The following HGS variants were observed in gnomAD, a reference collection of about 807,000 sequenced individuals.
HGS encodes human growth factor-regulated tyrosine kinase substrate.
Under a neutral mutation model 109.7 loss-of-function variants are expected in HGS, and 63 were observed. The ratio of observed to expected loss-of-function variants is 0.57; its 90% confidence interval spans 0.47 to 0.71. The LOEUF (loss-of-function observed/expected upper bound fraction) is 0.71. Among genes scored for constraint, HGS ranks in the 30% least tolerant of loss-of-function variants. The pLI is 0.00. For missense variants in HGS, 995 were observed against 1,068.3 expected, an observed-to-expected ratio of 0.93 and a Z score of 0.96; for synonymous variants, 546 against 437.3, an observed-to-expected ratio of 1.25 and a Z score of -3.10.
chr17:81,695,676 A>C (rs1422687575), intron 14 of HGS, 110 bp from the exon 15 acceptor site: 1 of 958,862 alleles, frequency 1.0e-6, no homozygotes, highest in Non-Finnish European at 1.7e-6. Flanking sequence ...TAAGGAGCAG[A>C]TGGACTCTGC....
At position 81,691,417 on chromosome 17, in the gene HGS, G is replaced by A; in HGVS notation, c.538-30G>A. The A allele has an allele frequency of 6.2e-7, 1 of 1,612,678 alleles. No individual in the cohort carries two copies. ...GGCGCATCAGGGTCCCCCAGTGCCT[G>A]TGACCAGGCCCGCCCGCCCCATCTT... On this transcript the variant is annotated intron_variant, in intron 7 of 21. Transcript: ENST00000329138. This position sits in a 1 kb window ranked among gnomAD's most constrained non-coding sequence, Gnocchi z 5.3.
chr17:81,697,823 C>G (rs952926855), intron 18 of HGS: 1 of 152,078 alleles, frequency 6.6e-6, no homozygotes, highest in Non-Finnish European at 1.5e-5. Flanking sequence ...TTTATTTTTT[C>G]TTTCAAAGGT....
chr17:81,688,730 C>T lies in HGS; in HGVS notation c.318C>T (p.Asn106=). The change falls in exon 5 of 22, where the codon AAC becomes AAT. Residue 106 remains asparagine, a synonymous_variant. Coordinates refer to ENST00000329138, the MANE Select transcript of HGS (RefSeq NM_004712.5). ...LKRQVEVNVR[N]KILYLIQAWA... ...GACAAGTGGAGGTAAACGTCCGTAA[C>T]AAGATCCTGTACCTGATCCAGGCCT... 6.2e-7 allele frequency: 1 copy of T among 1,614,114 alleles called. No homozygotes were observed.
Position 81,685,424 on chromosome 17 carries a change from C to G in HGS, c.38-181C>G, listed in dbSNP as rs147742956. Among the ~76,000 whole-genome samples the G allele has an allele frequency of 1.4e-4, 21 of 152,316 alleles. 1 individual carries two copies. The East Asian group carries it at 3.9e-3, about 28-fold the overall frequency. ...TGCTCTTACGCTGTTTGCTGCTTCC[C>G]TGGGGAGGATGGCACTTCCCTGCCC... On this transcript the variant is annotated intron_variant, in intron 1 of 21. Coordinates refer to ENST00000329138, the MANE Select transcript of HGS (RefSeq NM_004712.5).
chr17:81,696,641 A>G lies in HGS; in HGVS notation c.1601A>G (p.Gln534Arg). Residue 534 changes from glutamine (Q) to arginine (R), a missense_variant, in exon 17 of 22, where the codon CAG becomes CGG. Gln to Arg is a conservative substitution (Grantham distance 43). Transcript: ENST00000329138. Reference protein sequence around the residue: ...YLEVQRQLAIQRLQEQEKERQ... With the variant: ...YLEVQRQLAIRRLQEQEKERQ... ...GAGGTGCAGAGGCAGCTGGCCATCC[A>G]GCGCCTGCAGGAGCAGGAGAAGGAG... 1.2e-6 allele frequency: 2 copies of G among 1,611,382 alleles called. No homozygotes were observed. The highest frequency in any genetic ancestry group is 1.7e-6 in the Non-Finnish European group (2 of 1,179,186).
Position 81,693,534 on chromosome 17 carries a change from G to C in HGS, c.694G>C (p.Glu232Gln). ...GGAGGGAAAGGCCACTTCCACCACT[G>C]AGCTGCCCCCCGAGTACCTGACCAG... ...KAEGKATSTT[E>Q]LPPEYLTSPL... Residue 232 changes from glutamate to glutamine, a missense_variant, in exon 9 of 22, where the codon GAG (glutamate) becomes CAG (glutamine). Around this residue, in one of 6 missense-constraint regions of HGS, gnomAD observed 300 missense variants for 235.4 expected, o/e 1.27. Coordinates refer to ENST00000329138, the MANE Select transcript of HGS (RefSeq NM_004712.5). 6.2e-7 allele frequency: 1 copy of C among 1,613,360 alleles called. No homozygotes were observed. Among genetic ancestry groups the C allele is most frequent in the South Asian group, 1.1e-5 (1 of 91,030 alleles).
chr17:81,688,683 C>T (rs780115266), intron 4 of HGS, 21 bp from the exon 5 acceptor site: 24 of 1,612,714 alleles, frequency 1.5e-5, no homozygotes, highest in Admixed American at 8.3e-5. Context: ...GCGACCCTCA[C>T]CCCCTTCTCC....
In HGS at chr17:81,685,601, TCA is replaced by T; in HGVS notation, c.38-3_38-2del. 6.2e-7 allele frequency: 1 copy of T among 1,607,414 alleles called. No homozygotes were observed. The highest frequency in any genetic ancestry group is 8.5e-7 in the Non-Finnish European group (1 of 1,176,686). The stretch of plus-strand genomic sequence containing the variant: ...CCTCCCTTTCATGGCATTTTCTCTC[TCA>T]GACAAGGCGACCAGCCAGCTCCTGT... On this transcript the variant is annotated splice_acceptor_variant and splice_polypyrimidine_tract_variant and intron_variant, in intron 1 of 21. Coordinates refer to ENST00000329138, the MANE Select transcript of HGS (RefSeq NM_004712.5). LOFTEE classifies it high-confidence loss of function.
chr17:81,694,130 C>T (rs769031039), intron 11 of HGS, among the ~76,000 whole-genome samples, 165 bp downstream of exon 11: 35 of 152,210 alleles, frequency 2.3e-4, no homozygotes, highest in Admixed American at 9.8e-4. Flanking sequence ...CAGAGCCCCA[C>T]GGCTCCAGGC....
At chr17:81,690,645 G>C (rs145059703) in intron 6 of HGS, 29 bp from the exon 7 acceptor site, 90 of 1,601,940 alleles carry the variant, frequency 5.6e-5, no homozygotes, top group Middle Eastern at 1.8e-4. Flanking sequence ...GGCGGGAAGC[G>C]TGTGGTCCTG....
chr17:81,690,638 G>A (rs938836113), intron 6 of HGS, 36 bp from the exon 7 acceptor site: 18 of 1,593,760 alleles, frequency 1.1e-5, no homozygotes, highest in African/African-American at 1.1e-4. Context: ...CTGGTGGGGC[G>A]GGAAGCGTGT....
chr17:81,700,788 A>G lies in HGS; in HGVS notation c.2110A>G (p.Met704Val). 2.5e-6 allele frequency: 4 copies of G among 1,612,558 alleles called. No individual in the cohort carries two copies. Among genetic ancestry groups the G allele is most frequent in the Non-Finnish European group, 3.4e-6 (4 of 1,179,824 alleles). The part of the protein sequence containing the change: ...MGYMGSQSVS[M>V]GYQPYNMQNL... The stretch of plus-strand genomic sequence containing the variant: ...CTACATGGGGAGCCAGTCAGTCTCC[A>G]TGGGCTACCAGCCTTACAACATGCA... Residue 704 changes from methionine to valine, a missense_variant, in exon 20 of 22, where the codon ATG becomes GTG. Physicochemically the swap from Met to Val is conservative, Grantham distance 21. Transcript: ENST00000329138.
chr17:81,697,133 C>T (rs1055700480), intron 18 of HGS, 135 bp downstream of exon 18: 2 of 1,007,650 alleles, frequency 2.0e-6, no homozygotes, highest in African/African-American at 1.6e-5. Context: ...CTGCTTTTTC[C>T]TGTTTCCATG....
rs1646916449 is a variant in HGS, at chr17:81,687,179, C to G, written c.291+84C>G. 1.1e-5 allele frequency: 10 copies of G among 900,294 alleles called. No homozygotes were observed. The South Asian group carries it at 1.4e-4, about 13-fold the overall frequency. 55.8% of individuals were successfully genotyped at this position (900,294 alleles called of 1,614,324 possible). ...TGTTTACTGGGCACTGATGACAGAACAGCACCAGGTGTGGCGGAAAATGTG... is the reference window on the plus strand; with the variant it reads ...TGTTTACTGGGCACTGATGACAGAAGAGCACCAGGTGTGGCGGAAAATGTG... On this transcript the variant is annotated intron_variant, in intron 4 of 21. Coordinates refer to ENST00000329138, the MANE Select transcript of HGS (RefSeq NM_004712.5).
Position 81,686,311 on chromosome 17 carries a change from G to T in HGS, c.123-1G>T. The T allele has an allele frequency of 6.2e-7, 1 of 1,612,532 alleles. No individual in the cohort carries two copies. Among genetic ancestry groups the T allele is most frequent in the Non-Finnish European group, 8.5e-7 (1 of 1,179,118 alleles). ...TGCTTTTATCAATGTTTCCTTTTCA[G>T]AGCAAAATATGCTGTGAATTCCATC... On this transcript the variant is annotated splice_acceptor_variant, in intron 2 of 21. Transcript: ENST00000329138. LOFTEE classifies it high-confidence loss of function.
At chr17:81,684,530 C>T (rs2036940248) in intron 1 of HGS, 1 of 170,016 alleles carries the variant, frequency 5.9e-6, no homozygotes, top group Non-Finnish European at 1.2e-5. Flanking sequence ...CGGCAGTGTT[C>T]TCTCTGGGAC....
intron 1 of HGS, chr17:81,684,839 C>G: frequency 1.1e-6 from 1 of 930,046 alleles, no homozygotes; most frequent in Non-Finnish European, 1.3e-6. Flanking sequence ...TCAAGTGAGA[C>G]ACCTTCCTTG....
Position 81,694,976 on chromosome 17 carries a change from G to A in HGS, c.1028G>A (p.Arg343His), listed in dbSNP as rs756329712. The part of the protein sequence containing the change: ...NYWEKKQEEA[R>H]KSPTPSAPVP... The stretch of plus-strand genomic sequence containing the variant: ...TGGGAGAAGAAGCAGGAGGAGGCTC[G>A]CAAGAGCCCCACGCCATCTGCGCCC... Residue 343 changes from arginine (R) to histidine (H), a missense_variant, in exon 13 of 22, where the codon CGC becomes CAC. Arg to His is a conservative substitution (Grantham distance 29). Transcript: ENST00000329138. 2.4e-5 allele frequency: 38 copies of A among 1,614,006 alleles called. No individual in the cohort carries two copies. Among genetic ancestry groups the A allele is most frequent in the African/African-American group, 5.3e-5 (4 of 74,950 alleles).
chr17:81,691,607 G>A lies in HGS; in HGVS notation c.662+36G>A, dbSNP rs1489508486. The A allele has an allele frequency of 6.2e-7, 1 of 1,612,498 alleles. No homozygotes were observed. The highest frequency in any genetic ancestry group is 8.5e-7 in the Non-Finnish European group (1 of 1,179,196). ...GCCCCCCATTTGGGCTGCAGGTGGG[G>A]CAGGCTCTCCAGGCTGGGTTTTCTG... On this transcript the variant is annotated intron_variant, in intron 8 of 21. Transcript: ENST00000329138. The surrounding 1 kb of genome is among the most constrained non-coding windows in gnomAD (Gnocchi z 5.3).
Sources: allele counts gnomAD v4.1 joint callset (sites outside exome capture counted in the v4.1 genomes callset), GRCh38; gene constraint gnomAD v4.1.1; regional missense constraint gnomAD v4.1.1; non-coding constraint Gnocchi (gnomAD v3.1); transcripts MANE v1.5; gene names NCBI Gene and HGNC (gene_info 2026-07-23, HGNC 2026-07-21).